Variants in RIMS2 observed in about 807,000 individuals in gnomAD.
The protein encoded by RIMS2 is regulating synaptic membrane exocytosis protein 2.
A neutral mutation model predicts 174.4 loss-of-function variants in RIMS2; 59 were observed. The observed-to-expected ratio is 0.34, with a 90% CI of 0.27 to 0.42. RIMS2 has a LOEUF of 0.42. RIMS2 is among the 10% of genes least tolerant of loss of function. RIMS2 has a pLI of 1.00. For synonymous variants in RIMS2, 606 were observed against 572.5 expected (o/e 1.06, Z -0.84); for missense variants, 1,620 against 1,666.3 (o/e 0.97, Z 0.48).
chr8:103,899,479 A>G lies in RIMS2; in HGVS notation c.1625-10655A>G, dbSNP rs536661926. On this transcript the variant is annotated intron_variant, in intron 4 of 23. Coordinates refer to ENST00000504942, the Ensembl canonical transcript of RIMS2. ...TGCATTTCTCTGATGGCCAGTGATGATGAGCATTTTTTCATGTGTCTGTTG... is the reference window on the plus strand; with the variant it reads ...TGCATTTCTCTGATGGCCAGTGATGGTGAGCATTTTTTCATGTGTCTGTTG... 3.3e-3 allele frequency among the ~76,000 whole-genome samples: 500 copies of G among 151,818 alleles called. 14 individuals carry two copies. The highest frequency in any genetic ancestry group is 0.011 in the African/African-American group (466 of 41,116).
At chr8:104,068,856 T>G (rs2097148888) in intron 19 of RIMS2, among the ~76,000 whole-genome samples, 2 of 152,322 alleles carry the variant, frequency 1.3e-5, no homozygotes, top group South Asian at 4.1e-4. Flanking sequence ...TTTACAGTTT[T>G]TCATTTTGTA....
chr8:103,620,330 A>G lies in RIMS2; in HGVS notation c.177-76756A>G, dbSNP rs1371525636. On this transcript the variant is annotated intron_variant, in intron 1 of 23. Coordinates refer to ENST00000504942, the Ensembl canonical transcript of RIMS2. Reference sequence around the variant, plus strand: ...TTTTTTTTCTAAGTTAAACATATATATGACAATAAACTCATAATGAAAACT... The same window carrying G: ...TTTTTTTTCTAAGTTAAACATATATGTGACAATAAACTCATAATGAAAACT... Among the ~76,000 whole-genome samples, 5 of 152,256 alleles carry G rather than the reference A, an allele frequency of 3.3e-5. No homozygotes were observed. The East Asian group carries it at 7.7e-4, about 23-fold the overall frequency.
intron 19 of RIMS2, among the ~76,000 whole-genome samples, chr8:104,103,962 G>A (rs2097968327): frequency 6.6e-6 from 1 of 152,086 alleles, no homozygotes; most frequent in Non-Finnish European, 1.5e-5. Context: ...CTGAAGAGAA[G>A]GTCTATCTGA....
intron 19 of RIMS2, among the ~76,000 whole-genome samples, chr8:104,043,060 G>A (rs1246777343): frequency 4.0e-5 from 6 of 151,550 alleles, no homozygotes; most frequent in African/African-American, 1.4e-4. Flanking sequence ...TAAGAAAGGG[G>A]TACAATCAGC....
chr8:103,765,453 T>C (rs1298862846), intron 2 of RIMS2, among the ~76,000 whole-genome samples: 3 of 152,178 alleles, frequency 2.0e-5, no homozygotes, highest in African/African-American at 7.2e-5. Flanking sequence ...TGTTTCACAA[T>C]GTGAATATAC....
At chr8:104,052,898 A>C (rs2096810372) in intron 19 of RIMS2, among the ~76,000 whole-genome samples, 1 of 152,184 alleles carries the variant, frequency 6.6e-6, no homozygotes, top group African/African-American at 2.4e-5. Context: ...GAAATGCATA[A>C]ATTTGAAAAA....
At chr8:103,510,716 G>A (rs1826056680) in intron 1 of RIMS2, among the ~76,000 whole-genome samples, 2 of 152,032 alleles carry the variant, frequency 1.3e-5, no homozygotes, top group South Asian at 4.1e-4. Context: ...CTCTGCCCAC[G>A]ACTAGGAAAG....
chr8:104,070,691 A>G (rs2097181354), intron 19 of RIMS2, among the ~76,000 whole-genome samples: 1 of 152,138 alleles, frequency 6.6e-6, no homozygotes, highest in East Asian at 1.9e-4. Context: ...TTTTTTGTAA[A>G]TGTGTCTTCA....
intron 3 of RIMS2, among the ~76,000 whole-genome samples, chr8:103,785,050 T>C (rs1592282831): frequency 7.1e-6 from 1 of 141,648 alleles, no homozygotes; most frequent in South Asian, 2.3e-4. Context: ...GGGAGTTCAC[T>C]CATGATTTGG....
chr8:104,226,721 G>T (rs1374416501), intron 19 of RIMS2, among the ~76,000 whole-genome samples: 1 of 152,196 alleles, frequency 6.6e-6, no homozygotes, highest in Non-Finnish European at 1.5e-5. Context: ...GTTAAACATT[G>T]ATTCAGGTGT....
At chr8:103,624,000 T>C (rs2134826894) in intron 1 of RIMS2, among the ~76,000 whole-genome samples, 1 of 152,244 alleles carries the variant, frequency 6.6e-6, no homozygotes, top group Middle Eastern at 3.4e-3. Flanking sequence ...ACTAAGTTAA[T>C]GTTAATTGTA....
At chr8:104,067,235 T>G (rs2097121614) in intron 19 of RIMS2, among the ~76,000 whole-genome samples, 1 of 152,184 alleles carries the variant, frequency 6.6e-6, no homozygotes, top group South Asian at 2.1e-4. Flanking sequence ...CATTCCTACC[T>G]AAACACACTG....
chr8:103,860,474 G>A (rs1043872548), intron 3 of RIMS2, among the ~76,000 whole-genome samples: 3 of 152,086 alleles, frequency 2.0e-5, no homozygotes, highest in Non-Finnish European at 4.4e-5. Flanking sequence ...AACAGCCATT[G>A]TTATTGTTAG....
At chr8:103,589,031 A>G (rs75022586) in intron 1 of RIMS2, among the ~76,000 whole-genome samples, 1,774 of 151,904 alleles carry the variant, frequency 0.012, 43 homozygotes, top group African/African-American at 0.04. Flanking sequence ...GTGATTCAAC[A>G]TAGTACTGGA....
chr8:103,979,861 GC>G (rs1333924753), intron 16 of RIMS2, among the ~76,000 whole-genome samples: 1 of 152,206 alleles, frequency 6.6e-6, no homozygotes, highest in Non-Finnish European at 1.5e-5. Flanking sequence ...GCTGGGCTCA[GC>G]CAGTGCCTGG....
chr8:103,821,200 G>A (rs186796643), intron 3 of RIMS2, among the ~76,000 whole-genome samples: 32 of 151,578 alleles, frequency 2.1e-4, no homozygotes, highest in African/African-American at 7.2e-4. Context: ...CTATCACTGT[G>A]TACTTGCTTT....
chr8:104,023,714 C>T (rs144272269), intron 19 of RIMS2, among the ~76,000 whole-genome samples: 2 of 152,040 alleles, frequency 1.3e-5, no homozygotes, highest in African/African-American at 4.8e-5. Flanking sequence ...GAGGTGTGGA[C>T]TGTAGCTATA....
At chr8:103,568,508 G>A in intron 1 of RIMS2, 1 of 317,562 alleles carries the variant, frequency 3.1e-6, no homozygotes, top group Non-Finnish European at 6.2e-6. Context: ...AATGTTGTTG[G>A]AACAATCCTT....
intron 17 of RIMS2, among the ~76,000 whole-genome samples, chr8:104,002,570 C>T (rs564441559): frequency 3.9e-5 from 6 of 152,208 alleles, no homozygotes; most frequent in South Asian, 2.1e-4. Flanking sequence ...TCTCTAGCCT[C>T]GTTTTCAAGG....
Sources: allele counts gnomAD v4.1 joint callset (sites outside exome capture counted in the v4.1 genomes callset), GRCh38; gene constraint gnomAD v4.1.1; transcripts MANE v1.5; gene names NCBI Gene and HGNC (gene_info 2026-07-23, HGNC 2026-07-21).